The following TAGLN3 variants were observed in gnomAD, a reference collection of about 807,000 sequenced individuals.
The protein encoded by TAGLN3 is transgelin 3, also known as transgelin-3.
In TAGLN3, 12 loss-of-function variants were observed where a neutral mutation model predicts 25.4. That is an observed-to-expected ratio of 0.47 (90% CI 0.30 to 0.77). TAGLN3 has a LOEUF of 0.77. Ranked by LOEUF, TAGLN3 falls within the 30% of genes least tolerant of loss-of-function variation. TAGLN3 has a pLI of 0.06. For missense variants in TAGLN3, 218 were observed against 255.8 expected (o/e 0.85, Z 1.01); for synonymous variants, 96 against 94.8 (o/e 1.01, Z -0.08).
In TAGLN3 at chr3:112,000,901, G is replaced by T; in HGVS notation, c.310G>T (p.Gly104Cys). Residue 104 changes from glycine to cysteine, a missense_variant, in exon 3 of 5, where the codon GGT (glycine) becomes TGT (cysteine). By Grantham distance (159) the Gly-to-Cys change is radical. Transcript: ENST00000478951. ...SQFLKAAETYGVRTTDIFQTV... is the reference protein window; with the variant it reads ...SQFLKAAETYCVRTTDIFQTV... Reference sequence around the variant, plus strand: ...GTTCCTAAAAGCTGCGGAGACCTATGGTGTCAGAACCACCGACATCTTTCA... The same window carrying T: ...GTTCCTAAAAGCTGCGGAGACCTATTGTGTCAGAACCACCGACATCTTTCA... 1 of 1,614,154 alleles carries T rather than the reference G, an allele frequency of 6.2e-7. No individual in the cohort carries two copies. The highest frequency in any genetic ancestry group is 8.5e-7 in the Non-Finnish European group (1 of 1,180,024).
chr3:112,005,233 A>G (rs1316774463), intron 3 of TAGLN3, among the ~76,000 whole-genome samples: 1 of 152,182 alleles, frequency 6.6e-6, no homozygotes, highest in East Asian at 1.9e-4. Context: ...TAACTATGTA[A>G]AGAAGCTAGC....
intron 2 of TAGLN3, chr3:112,000,461 A>T (rs760820467): frequency 4.0e-6 from 1 of 252,516 alleles, no homozygotes; most frequent in Non-Finnish European, 7.6e-6. Context: ...ATCACGTCAC[A>T]TCATTCCCTA....
chr3:112,005,922 C>T (rs61403209), intron 3 of TAGLN3, among the ~76,000 whole-genome samples: 12,263 of 149,328 alleles, frequency 0.082, 521 homozygotes, highest in Middle Eastern at 0.11. Flanking sequence ...CAGGATGGTC[C>T]AATTTTTTTT....
At chr3:112,011,407 G>A (rs2072976060) in intron 3 of TAGLN3, among the ~76,000 whole-genome samples, 2 of 152,324 alleles carry the variant, frequency 1.3e-5, no homozygotes, top group South Asian at 2.1e-4. Flanking sequence ...TGCTTTCTGT[G>A]TTGATTTGCT....
chr3:112,001,577 C>T (rs2072861710), intron 3 of TAGLN3, among the ~76,000 whole-genome samples: 1 of 152,224 alleles, frequency 6.6e-6, no homozygotes, highest in Non-Finnish European at 1.5e-5. Flanking sequence ...AATGGAGACA[C>T]TGCCAGAGAA....
intron 3 of TAGLN3, among the ~76,000 whole-genome samples, chr3:112,001,419 C>A (rs562311809): frequency 6.6e-6 from 1 of 152,336 alleles, no homozygotes; most frequent in East Asian, 1.9e-4. Context: ...ACTATGCCTT[C>A]CAGATATGCA....
intron 3 of TAGLN3, among the ~76,000 whole-genome samples, chr3:112,007,275 T>C (rs1393618218): frequency 1.3e-5 from 2 of 152,172 alleles, no homozygotes; most frequent in Non-Finnish European, 2.9e-5. Context: ...AAATACATAG[T>C]TTACATTAGG....
At chr3:112,001,291 C>A (rs2072857018) in intron 3 of TAGLN3, among the ~76,000 whole-genome samples, 1 of 152,184 alleles carries the variant, frequency 6.6e-6, no homozygotes, top group Non-Finnish European at 1.5e-5. Context: ...AGGCAGGGGG[C>A]CAGTGTGCTT....
intron 2 of TAGLN3, among the ~76,000 whole-genome samples, chr3:111,999,839 G>C (rs1045007868): frequency 4.6e-5 from 7 of 152,194 alleles, no homozygotes; most frequent in African/African-American, 1.4e-4. Flanking sequence ...TTCTGAGTTG[G>C]CAAATTCGAA....
chr3:111,999,753 T>C (rs1292411080), intron 2 of TAGLN3, 151 bp downstream of exon 2: 4 of 1,054,846 alleles, frequency 3.8e-6, no homozygotes, highest in Non-Finnish European at 5.3e-6. Context: ...TTCTTCAGGG[T>C]TGGAAGATTT....
intron 3 of TAGLN3, 21 bp from the exon 4 acceptor site, chr3:112,011,741 TA>T: frequency 6.2e-7 from 1 of 1,608,064 alleles, no homozygotes; most frequent in Non-Finnish European, 8.5e-7. Flanking sequence ...TGCTTGGCTT[TA>T]AGCTCTTTGT....
At chr3:112,001,647 A>G (rs1212907575) in intron 3 of TAGLN3, among the ~76,000 whole-genome samples, 2 of 152,188 alleles carry the variant, frequency 1.3e-5, no homozygotes, top group Non-Finnish European at 2.9e-5. Flanking sequence ...TGTATACCCA[A>G]CCATATGACT....
chr3:112,012,734 G>A (rs913102776), intron 4 of TAGLN3, among the ~76,000 whole-genome samples: 3 of 152,056 alleles, frequency 2.0e-5, no homozygotes, highest in Admixed American at 6.6e-5. Context: ...GTGAACTACC[G>A]TGTTCCCATG....
Position 112,000,764 on chromosome 3 carries a change from C to T in TAGLN3, c.181-8C>T. The T allele has an allele frequency of 6.2e-7, 1 of 1,611,406 alleles. No individual in the cohort carries two copies. The highest frequency in any genetic ancestry group is 8.5e-7 in the Non-Finnish European group (1 of 1,178,000). On this transcript the variant is annotated splice_polypyrimidine_tract_variant and splice_region_variant and intron_variant, in intron 2 of 4. Coordinates refer to ENST00000478951, the MANE Select transcript of TAGLN3 (RefSeq NM_001008272.2). ...AACATTGATTCTGTCTCTCCCCTCC[C>T]TCTTCAGGTCCTGTGCAAGCTGATA...
rs34554755 is a variant in TAGLN3 at position 111,999,596 on chromosome 3, C to T, written c.174C>T (p.Asp58=). ...GRAHFQKWLM[D]GTVLCKLINS... ...CCCATTTTCAGAAATGGTTAATGGA[C>T]GGGACGGTAAGGCCGGCAGCGATCT... The change falls in exon 2 of 5, where the codon GAC becomes GAT. Residue 58 remains aspartate (D), a synonymous_variant. Transcript: ENST00000478951. 1.8e-3 allele frequency: 2,923 copies of T among 1,613,474 alleles called. 40 individuals carry two copies. In the African/African-American group the frequency reaches 0.032, roughly 18 times the overall value.
At chr3:112,004,841 G>A (rs2072899800) in intron 3 of TAGLN3, among the ~76,000 whole-genome samples, 1 of 152,150 alleles carries the variant, frequency 6.6e-6, no homozygotes, top group Non-Finnish European at 1.5e-5. Flanking sequence ...GCCACATACA[G>A]GAGCTGGTGT....
intron 3 of TAGLN3, among the ~76,000 whole-genome samples, chr3:112,004,261 A>G (rs922902083): frequency 6.6e-6 from 1 of 152,204 alleles, no homozygotes; most frequent in African/African-American, 2.4e-5. Context: ...GGTGCCCTGG[A>G]AAGGGCAGGG....
chr3:112,008,167 C>A lies in TAGLN3; in HGVS notation c.356-3596C>A, dbSNP rs191583105. The stretch of plus-strand genomic sequence containing the variant: ...AAAAGAGATGCCCCCCTGCAAACTC[C>A]CATAAATAATCCAAGAAGCTTGGGA... On this transcript the variant is annotated intron_variant, in intron 3 of 4. Transcript: ENST00000478951. 1.9e-3 allele frequency among the ~76,000 whole-genome samples: 288 copies of A among 152,230 alleles called. 1 individual carries two copies. The highest frequency in any genetic ancestry group is 6.5e-3 in the African/African-American group (271 of 41,534).
intron 3 of TAGLN3, among the ~76,000 whole-genome samples, chr3:112,006,178 A>G (rs2072915374): frequency 6.6e-6 from 1 of 152,146 alleles, no homozygotes; most frequent in Non-Finnish European, 1.5e-5. Flanking sequence ...ATGCATCGGA[A>G]TCACTAGGTA....
Sources: allele counts gnomAD v4.1 joint callset (sites outside exome capture counted in the v4.1 genomes callset), GRCh38; gene constraint gnomAD v4.1.1; transcripts MANE v1.5; gene names NCBI Gene and HGNC (gene_info 2026-07-23, HGNC 2026-07-21).